Variants in UBAC2 observed in about 807,000 individuals in gnomAD.
UBAC2 encodes the protein UBA domain containing 2.
A neutral mutation model predicts 44.0 loss-of-function variants in UBAC2; 26 were observed. The ratio of observed to expected loss-of-function variants is 0.59; its 90% CI spans 0.43 to 0.82. The LOEUF is 0.82. Among genes scored for constraint, UBAC2 ranks in the 40% least tolerant of loss-of-function variants. The probability of loss-of-function intolerance (pLI) is 0.00; values close to 1 mark genes in which losing one functional copy is unlikely to be tolerated. For synonymous variants in UBAC2, 155 were observed against 154.3 expected (o/e 1.00, Z -0.04); for missense variants, 329 against 419.4 (o/e 0.78, Z 1.88).
intron 4 of UBAC2, among the ~76,000 whole-genome samples, chr13:99,271,570 C>A (rs1397285812): frequency 6.6e-6 from 1 of 152,154 alleles, no homozygotes; most frequent in Non-Finnish European, 1.5e-5. Flanking sequence ...GAGATGAAGT[C>A]ATGTTGGCCT....
At chr13:99,363,160 T>C (rs2045287617) in intron 7 of UBAC2, among the ~76,000 whole-genome samples, 1 of 152,234 alleles carries the variant, frequency 6.6e-6, no homozygotes, top group Non-Finnish European at 1.5e-5. Context: ...TGCCCATGTT[T>C]ACTGTTGATT....
chr13:99,268,574 C>T (rs960988189), intron 4 of UBAC2, among the ~76,000 whole-genome samples: 2 of 141,328 alleles, frequency 1.4e-5, no homozygotes, highest in Non-Finnish European at 3.0e-5. Flanking sequence ...TGTCACTGCA[C>T]TCCATTCAGC....
intron 8 of UBAC2, among the ~76,000 whole-genome samples, chr13:99,383,424 C>T (rs913588111): frequency 8.5e-5 from 13 of 152,214 alleles, no homozygotes; most frequent in African/African-American, 3.1e-4. Context: ...ATCTACGACA[C>T]TCTCTCCTCT....
intron 4 of UBAC2, chr13:99,296,150 G>T: frequency 6.4e-7 from 1 of 1,560,254 alleles, no homozygotes; most frequent in Non-Finnish European, 8.7e-7. Context: ...ATCCATTGGT[G>T]GTGGTCCAGG....
chr13:99,246,948 A>G (rs1706754585), intron 4 of UBAC2, among the ~76,000 whole-genome samples: 1 of 152,214 alleles, frequency 6.6e-6, no homozygotes, highest in Non-Finnish European at 1.5e-5. Flanking sequence ...TTGGAACACA[A>G]TTAGTTCAAC....
At chr13:99,219,746 A>C (rs1228179080) in intron 1 of UBAC2, among the ~76,000 whole-genome samples, 2 of 152,234 alleles carry the variant, frequency 1.3e-5, no homozygotes, top group African/African-American at 4.8e-5. Context: ...GTCCCTGACA[A>C]ACACTAATCT....
chr13:99,305,843 C>A (rs2044325048), intron 4 of UBAC2, among the ~76,000 whole-genome samples: 1 of 152,116 alleles, frequency 6.6e-6, no homozygotes, highest in African/African-American at 2.4e-5. Context: ...GCAGTCCTAC[C>A]AGTAAGCACA....
intron 4 of UBAC2, among the ~76,000 whole-genome samples, chr13:99,250,856 C>T (rs1009102273): frequency 3.3e-5 from 5 of 152,120 alleles, no homozygotes; most frequent in African/African-American, 1.2e-4. Context: ...AAGCAATTCT[C>T]CTGCCTCAGC....
chr13:99,210,073 A>G (rs1019090151), intron 1 of UBAC2, among the ~76,000 whole-genome samples: 4 of 152,244 alleles, frequency 2.6e-5, no homozygotes, highest in African/African-American at 9.6e-5. Flanking sequence ...GTTTCTTTTC[A>G]TCGTAAAAGT....
intron 6 of UBAC2, among the ~76,000 whole-genome samples, chr13:99,323,539 G>T (rs1346066116): frequency 6.6e-6 from 1 of 152,250 alleles, no homozygotes; most frequent in Admixed American, 6.5e-5. Flanking sequence ...AAGACAAGTA[G>T]CAGGTTCTTA....
chr13:99,288,769 T>C (rs911388786), intron 4 of UBAC2, among the ~76,000 whole-genome samples: 4 of 152,238 alleles, frequency 2.6e-5, no homozygotes, highest in African/African-American at 9.6e-5. Context: ...TGTTGCTGCC[T>C]AACAAATTAT....
At chr13:99,287,775 A>T (rs2044039158) in intron 4 of UBAC2, among the ~76,000 whole-genome samples, 1 of 150,512 alleles carries the variant, frequency 6.6e-6, no homozygotes, top group Non-Finnish European at 1.5e-5. Flanking sequence ...GTGAGCCACC[A>T]CGTGCAGCCT....
intron 7 of UBAC2, among the ~76,000 whole-genome samples, chr13:99,343,860 C>T (rs1165476733): frequency 2.0e-5 from 3 of 152,168 alleles, no homozygotes; most frequent in Non-Finnish European, 2.9e-5. Flanking sequence ...GCACGAGTAC[C>T]GTACAGGGTG....
At chr13:99,202,051 C>T (rs926409384) in intron 1 of UBAC2, among the ~76,000 whole-genome samples, 9 of 126,458 alleles carry the variant, frequency 7.1e-5, no homozygotes, top group African/African-American at 2.8e-4. Flanking sequence ...TTGGCCTGGG[C>T]GACAAAGCGA....
chr13:99,247,628 T>TA (rs1178411209), intron 4 of UBAC2, among the ~76,000 whole-genome samples: 1 of 152,108 alleles, frequency 6.6e-6, no homozygotes, highest in East Asian at 1.9e-4. Flanking sequence ...GACAAATACC[T>TA]AATGCATATG....
intron 1 of UBAC2, among the ~76,000 whole-genome samples, chr13:99,226,268 C>G (rs2043109028): frequency 1.3e-5 from 2 of 152,202 alleles, no homozygotes; most frequent in African/African-American, 4.8e-5. Context: ...AGGGCCATCT[C>G]AGTAACTGCC....
chr13:99,230,594 CTG>C (rs1314908164), intron 1 of UBAC2, among the ~76,000 whole-genome samples: 11 of 152,196 alleles, frequency 7.2e-5, no homozygotes, highest in African/African-American at 2.7e-4. Context: ...TTTGGAAGCT[CTG>C]AGAAGGAATC....
intron 7 of UBAC2, among the ~76,000 whole-genome samples, chr13:99,354,475 T>C (rs1452510359): frequency 6.6e-6 from 1 of 152,218 alleles, no homozygotes; most frequent in African/African-American, 2.4e-5. Flanking sequence ...TCTGTTCACT[T>C]GGCGGCTTGG....
chr13:99,290,744 AGAAAG>A (rs1251935825), intron 4 of UBAC2, among the ~76,000 whole-genome samples: 4 of 149,118 alleles, frequency 2.7e-5, no homozygotes, highest in Non-Finnish European at 6.0e-5. Context: ...AAAAAAAAAA[AGAAAG>A]AAAGAAAGAA....
Sources: gnomAD v4.1 joint callset for allele counts (sites outside exome capture counted in the v4.1 genomes callset) on GRCh38, gnomAD v4.1.1 for gene constraint, MANE v1.5 for transcripts, NCBI Gene and HGNC (gene_info 2026-07-23, HGNC 2026-07-21) for gene names.